CROCC: variants seen among roughly 807,000 people sequenced by gnomAD.
CROCC encodes the protein ciliary rootlet coiled-coil, rootletin.
Under a neutral mutation model 245.2 loss-of-function variants are expected in CROCC, and 180 were observed. The observed-to-expected ratio is 0.73, with a 90% CI of 0.65 to 0.83. The LOEUF (loss-of-function observed/expected upper bound fraction) is 0.83. CROCC is among the 40% of genes least tolerant of loss of function. CROCC has a pLI of 0.00. For synonymous variants in CROCC, 1,205 were observed against 1,241.6 expected (o/e 0.97, Z 0.62); for missense variants, 2,688 against 2,779.4 (o/e 0.97, Z 0.74).
At chr1:16,958,862 T>C in intron 26 of CROCC, 112 bp downstream of exon 26, 2 of 1,214,008 alleles carry the variant, frequency 1.6e-6, no homozygotes, top group South Asian at 1.5e-5. Context: ...GCTTGCTCCT[T>C]CCCCCACTCC....
rs947140469 is a variant in CROCC at position 16,967,271 on chromosome 1, T to C, written c.4860+700T>C. Among the ~76,000 whole-genome samples the C allele has an allele frequency of 2.0e-5, 3 of 152,222 alleles. No homozygotes were observed. In the East Asian group the frequency reaches 5.8e-4, roughly 29 times the overall value. The stretch of plus-strand genomic sequence containing the variant: ...TTTATGTGTGTTTGGGGGACAGCTA[T>C]GTGTGCCAGTGTGTATGTGCGTCTG... On this transcript the variant is annotated intron_variant, in intron 30 of 36. Coordinates refer to ENST00000375541, the MANE Select transcript of CROCC (RefSeq NM_014675.5).
chr1:16,962,132 G>A (rs1368333877), intron 27 of CROCC, among the ~76,000 whole-genome samples: 4 of 150,796 alleles, frequency 2.7e-5, no homozygotes, highest in Non-Finnish European at 5.9e-5. Context: ...GCACGATCTC[G>A]GCTCACTGCA....
chr1:16,939,944 G>A lies in CROCC; in HGVS notation c.1659G>A (p.Arg553=). 1 of 1,612,848 alleles carries A rather than the reference G, an allele frequency of 6.2e-7. No homozygotes were observed. Among genetic ancestry groups the A allele is most frequent in the African/African-American group, 1.3e-5 (1 of 75,052 alleles). ...GCCAGGACCTACTGGGCACCCTGCG[G>A]AAGCAGCTTAGCGACAGCGAGAGCG... ...EASQDLLGTL[R]KQLSDSESER... is the part of the protein sequence containing the mutation. The change falls in exon 13 of 37, where the codon CGG becomes CGA. Residue 553 remains arginine (R), a synonymous_variant. Transcript: ENST00000375541.
At chr1:16,934,268 G>T (rs2075741816) in intron 8 of CROCC, among the ~76,000 whole-genome samples, 1 of 152,180 alleles carries the variant, frequency 6.6e-6, no homozygotes, top group Non-Finnish European at 1.5e-5. Context: ...GTTCATTCAG[G>T]AAAGGAAAGG....
rs187575878 is a variant in CROCC at position 16,964,965 on chromosome 1, G to A, written c.4406-758G>A. ...CAGAGTGCTGGGATTACAGGCATGA[G>A]ACACCGCACCTGGCCAATTTTTGTA... On this transcript the variant is annotated intron_variant, in intron 27 of 36. Transcript: ENST00000375541. 4.3e-3 allele frequency among the ~76,000 whole-genome samples: 652 copies of A among 152,296 alleles called. 2 individuals are homozygous for A. Among genetic ancestry groups the A allele is most frequent in the Non-Finnish European group, 7.1e-3 (486 of 68,026 alleles).
At position 16,966,023 on chromosome 1, in the gene CROCC, G is replaced by A. The variant is rs1204056379; in HGVS notation, c.4600G>A (p.Ala1534Thr). ...ERDELRTQTS[A>T]LNRQLAEMEA... ...GGACGAACTTCGGACCCAGACCAGT[G>A]CCCTGAATCGCCAGCTGGCCGAGAT... The change falls in exon 29 of 37, where the codon GCC (alanine) becomes ACC (threonine). Residue 1534 changes from alanine (A) to threonine (T), a missense_variant. By Grantham distance (58) the Ala-to-Thr change is moderately conservative (BLOSUM62 0). Around this residue, in one of 9 missense-constraint regions of CROCC, gnomAD observed 1,218 missense variants for 1,286.3 expected, o/e 0.95. Coordinates refer to ENST00000375541, the MANE Select transcript of CROCC (RefSeq NM_014675.5). This position sits in a 1 kb window ranked among gnomAD's most constrained non-coding sequence, Gnocchi z 4.8. 2.5e-6 allele frequency: 4 copies of A among 1,613,674 alleles called. No homozygotes were observed. The highest frequency in any genetic ancestry group is 3.4e-6 in the Non-Finnish European group (4 of 1,179,780).
At chr1:16,916,638 C>A (rs1189270577) in intron 1 of CROCC, among the ~76,000 whole-genome samples, 1 of 152,282 alleles carries the variant, frequency 6.6e-6, no homozygotes, top group Non-Finnish European at 1.5e-5. Flanking sequence ...TCTCAAGGAA[C>A]TGGGACTACA....
chr1:16,923,254 T>C (rs1394387057), intron 2 of CROCC, among the ~76,000 whole-genome samples: 1 of 152,258 alleles, frequency 6.6e-6, no homozygotes, highest in East Asian at 1.9e-4. Context: ...CACGGTGTAG[T>C]TATGTGGCTT....
upstream of CROCC, among the ~76,000 whole-genome samples, chr1:16,919,494 G>C (rs1300195651): frequency 2.6e-5 from 4 of 152,292 alleles, no homozygotes; most frequent in African/African-American, 9.6e-5. Flanking sequence ...TAGCAGTGTA[G>C]CAGGACAAGC....
Position 16,961,011 on chromosome 1 carries a change from C to A in CROCC, c.4286C>A (p.Ala1429Glu). The change falls in exon 27 of 37, where the codon GCG becomes GAG. Residue 1429 changes from alanine to glutamate, a missense_variant. Ala to Glu is a moderately radical substitution (Grantham distance 107, BLOSUM62 -1). Transcript: ENST00000375541. ...LARVEVQRRA[A>E]EAQLGGLRSA... ...CGCGTGGAGGTGCAGCGGCGCGCGG[C>A]GGAGGCCCAGCTGGGTGGCCTGCGC... 2 of 1,303,458 alleles carry A rather than the reference C, an allele frequency of 1.5e-6. No homozygotes were observed. Among genetic ancestry groups the A allele is most frequent in the Admixed American group, 4.2e-5 (1 of 24,074 alleles). 80.7% of individuals were successfully genotyped at this position (1,303,458 alleles called of 1,614,324 possible). A position where few individuals can be genotyped will look rare whatever the true frequency, so the allele number is the denominator to read the frequency against.
At chr1:16,945,058 T>C (rs7365639) in intron 14 of CROCC, among the ~76,000 whole-genome samples, 14 of 152,222 alleles carry the variant, frequency 9.2e-5, no homozygotes, top group Non-Finnish European at 1.9e-4. Context: ...CGTGGAGAAA[T>C]CCCGTCTCTA....
intron 26 of CROCC, 129 bp from the exon 27 acceptor site, chr1:16,960,629 C>T (rs1173049773): frequency 1.0e-5 from 12 of 1,204,798 alleles, no homozygotes; most frequent in Non-Finnish European, 1.3e-5. Flanking sequence ...GCTTGAGTGG[C>T]GAGCACTAAA....
At chr1:16,961,227 T>C in intron 27 of CROCC, 97 bp downstream of exon 27, 8 of 1,198,834 alleles carry the variant, frequency 6.7e-6, no homozygotes, top group Non-Finnish European at 8.3e-6. Context: ...TTGTTTTTGT[T>C]TTTTTTCAAG....
rs1351523096 is a variant in CROCC at position 16,923,712 on chromosome 1, G to A, written c.197-613G>A. Among the ~76,000 whole-genome samples the A allele has an allele frequency of 8.3e-5, 10 of 121,208 alleles. No individual in the cohort carries two copies. In the East Asian group the frequency reaches 9.7e-4, roughly 12 times the overall value. The allele number at this position is 121,208 out of a possible 152,430, so 79.5% of individuals were successfully genotyped here. A position where few individuals can be genotyped will look rare whatever the true frequency, so the allele number is the denominator to read the frequency against. ...TTTTTTTTTTTTGAGACAGAGTCTC[G>A]CTGTGTTGCCCAGGCTGGAGTGCAG... On this transcript the variant is annotated intron_variant, in intron 2 of 36. Transcript: ENST00000375541.
chr1:16,923,543 CTT>C (rs1434564613), intron 2 of CROCC, among the ~76,000 whole-genome samples: 1 of 152,272 alleles, frequency 6.6e-6, no homozygotes, highest in Non-Finnish European at 1.5e-5. Context: ...CCTCTTCTCT[CTT>C]TCTCCTTCTC....
chr1:16,924,022 A>C (rs1483112104), intron 2 of CROCC, among the ~76,000 whole-genome samples: 2 of 152,366 alleles, frequency 1.3e-5, no homozygotes, highest in South Asian at 4.1e-4. Flanking sequence ...GGAGAAGAAG[A>C]CTAATTGGAA....
chr1:16,920,889 G>A (rs2075389639), upstream of CROCC, among the ~76,000 whole-genome samples: 1 of 152,210 alleles, frequency 6.6e-6, no homozygotes, highest in South Asian at 2.1e-4. Flanking sequence ...GATTACAGGT[G>A]TGCACCACCA....
Position 16,940,095 on chromosome 1 carries a change from T to A in CROCC, c.1808+2T>A. 1 of 1,598,832 alleles carries A rather than the reference T, an allele frequency of 6.3e-7. No individual in the cohort carries two copies. The highest frequency in any genetic ancestry group is 8.5e-7 in the Non-Finnish European group (1 of 1,174,562). ...GAGCGCCAACGAGCTCCTGAGCAGG[T>A]GCCGGGGAGGTCTGAGCTGGGGGGT... is the stretch of plus-strand genomic sequence containing the variant. On this transcript the variant is annotated splice_donor_variant, in intron 13 of 36. Transcript: ENST00000375541. LOFTEE classifies it high-confidence loss of function.
rs371781662 is a variant in CROCC at position 16,939,867 on chromosome 1, C to A, written c.1609-27C>A. 3.4e-4 allele frequency: 542 copies of A among 1,610,158 alleles called. No individual in the cohort carries two copies. In the African/African-American group the frequency reaches 6.3e-3, roughly 19 times the overall value. On this transcript the variant is annotated intron_variant, in intron 12 of 36. Coordinates refer to ENST00000375541, the MANE Select transcript of CROCC (RefSeq NM_014675.5). Reference sequence around the variant, plus strand: ...GCTCTGGAGGCCTCTCAGGCCCCCCCAGACTCTGTGACCCCCCACACCCCA... The same window carrying A: ...GCTCTGGAGGCCTCTCAGGCCCCCCAAGACTCTGTGACCCCCCACACCCCA...
Sources: allele counts gnomAD v4.1 joint callset (sites outside exome capture counted in the v4.1 genomes callset), GRCh38; gene constraint gnomAD v4.1.1; regional missense constraint gnomAD v4.1.1; non-coding constraint Gnocchi (gnomAD v3.1); transcripts MANE v1.5; gene names NCBI Gene and HGNC (gene_info 2026-07-23, HGNC 2026-07-21).